The following RBFOX3 variants were observed in gnomAD, a reference collection of about 807,000 sequenced individuals.
RBFOX3 encodes RNA binding fox-1 homolog 3.
RBFOX3 carries 17 observed loss-of-function variants against 48.7 expected under a neutral mutation model. The observed-to-expected ratio is 0.35, with a 90% CI of 0.24 to 0.52. The LOEUF (loss-of-function observed/expected upper bound fraction) is 0.52. Among genes scored for constraint, RBFOX3 ranks in the 20% least tolerant of loss-of-function variants. The pLI is 0.94. For synonymous variants in RBFOX3, 212 were observed against 209.5 expected, an observed-to-expected ratio of 1.01 and a Z score of -0.10; for missense variants, 382 against 497.5, an observed-to-expected ratio of 0.77 and a Z score of 2.21.
chr17:79,466,831 G>A (rs1287155203), intron 2 of RBFOX3, among the ~76,000 whole-genome samples: 2 of 152,212 alleles, frequency 1.3e-5, no homozygotes, highest in Admixed American at 1.3e-4. Context: ...TGCAGCCGAT[G>A]AGAGGCCACA....
In RBFOX3 at chr17:79,474,415, T is replaced by C. The variant is rs977289342; in HGVS notation, c.-175+8039A>G. Among the ~76,000 whole-genome samples, 8 of 152,202 alleles carry C rather than the reference T, an allele frequency of 5.3e-5. No homozygotes were observed. The East Asian group carries it at 1.5e-3, about 29-fold the overall frequency. ...TGCTTGCACAGGTGTCGATATACCA[T>C]CCTGGAACACGAGGACTAACCCTCC... On this transcript the variant is annotated intron_variant, in intron 2 of 14. Transcript: ENST00000693108.
intron 2 of RBFOX3, among the ~76,000 whole-genome samples, chr17:79,375,358 G>GACACACACACACACAC (rs534923135): frequency 7.6e-4 from 103 of 136,286 alleles, no homozygotes; most frequent in Non-Finnish European, 1.3e-3. Context: ...GAAGACAGAA[G>GACACACACACACACAC]ACACACACAC....
At chr17:79,281,998 T>C (rs374414552) in intron 3 of RBFOX3, among the ~76,000 whole-genome samples, 97 of 152,210 alleles carry the variant, frequency 6.4e-4, no homozygotes, top group African/African-American at 2.2e-3. Context: ...GACAAATATA[T>C]CTGGAAAGAA....
At chr17:79,149,394 G>A (rs59059152) in intron 4 of RBFOX3, among the ~76,000 whole-genome samples, 44,815 of 152,002 alleles carry the variant, frequency 0.29, 8,792 homozygotes, top group African/African-American at 0.55. Flanking sequence ...CCCAGCCCCG[G>A]CCCCTCCTGG....
chr17:79,151,314 C>T (rs1029361054), intron 4 of RBFOX3, among the ~76,000 whole-genome samples: 11 of 148,902 alleles, frequency 7.4e-5, no homozygotes, highest in East Asian at 2.0e-4. Context: ...AGCTGCCCCA[C>T]GGGACGCGTG....
intron 3 of RBFOX3, among the ~76,000 whole-genome samples, chr17:79,276,625 C>T (rs554571487): frequency 6.6e-6 from 1 of 152,244 alleles, no homozygotes; most frequent in Non-Finnish European, 1.5e-5. Flanking sequence ...TGAGAGGTTG[C>T]AGTGAGCCCA....
chr17:79,553,620 G>T (rs1411684533), intron 1 of RBFOX3, among the ~76,000 whole-genome samples: 4 of 152,172 alleles, frequency 2.6e-5, no homozygotes, highest in Admixed American at 2.6e-4. Context: ...GAGTAGCTTA[G>T]AAACTTTCTA....
At chr17:79,152,732 A>G (rs1452038185) in intron 4 of RBFOX3, among the ~76,000 whole-genome samples, 1 of 152,192 alleles carries the variant, frequency 6.6e-6, no homozygotes, top group Non-Finnish European at 1.5e-5. Flanking sequence ...GGGGGCACCG[A>G]AGCAGTATCC....
At chr17:79,503,031 G>A (rs975843672) in intron 1 of RBFOX3, among the ~76,000 whole-genome samples, 9 of 152,228 alleles carry the variant, frequency 5.9e-5, no homozygotes, top group Non-Finnish European at 1.0e-4. Flanking sequence ...AGGGAGCAGC[G>A]TGGTCGGGTT....
At chr17:79,462,597 T>A (rs1405681912) in intron 2 of RBFOX3, among the ~76,000 whole-genome samples, 1 of 152,228 alleles carries the variant, frequency 6.6e-6, no homozygotes, top group African/African-American at 2.4e-5. Context: ...GAGGGATTGC[T>A]ACTGCCTCCA....
intron 4 of RBFOX3, among the ~76,000 whole-genome samples, chr17:79,203,979 T>C (rs2057154035): frequency 1.3e-5 from 2 of 152,108 alleles, no homozygotes; most frequent in African/African-American, 2.4e-5. Context: ...CCTGAGAACT[T>C]TGCACCCCTA....
intron 4 of RBFOX3, among the ~76,000 whole-genome samples, chr17:79,127,864 C>T (rs1206881912): frequency 1.3e-5 from 2 of 152,192 alleles, no homozygotes; most frequent in African/African-American, 2.4e-5. Flanking sequence ...AACATTCTGT[C>T]CACTTTGTCA....
chr17:79,117,114 C>T (rs2034238619), intron 4 of RBFOX3, among the ~76,000 whole-genome samples: 1 of 152,184 alleles, frequency 6.6e-6, no homozygotes, highest in African/African-American at 2.4e-5. Flanking sequence ...ACTCGCTGTC[C>T]TCCACTGCAG....
intron 1 of RBFOX3, among the ~76,000 whole-genome samples, chr17:79,544,230 T>C (rs111490984): frequency 6.6e-6 from 1 of 152,166 alleles, no homozygotes; most frequent in African/African-American, 2.4e-5. Context: ...TTGTGTGTGT[T>C]TTCTTCCAGC....
At position 79,242,789 on chromosome 17, in the gene RBFOX3, G is replaced by A. The variant is rs368089055; in HGVS notation, c.-73-6984C>T. Among the ~76,000 whole-genome samples, 37 of 152,294 alleles carry A rather than the reference G, an allele frequency of 2.4e-4. No individual in the cohort carries two copies. The highest frequency in any genetic ancestry group is 8.7e-4 in the African/African-American group (36 of 41,574). ...GGCCTCCACAGGGCAGCAGGGCAGG[G>A]CTTAGGGGTTATACGCCGTGCTCAG... is the stretch of plus-strand genomic sequence containing the variant. On this transcript the variant is annotated intron_variant, in intron 3 of 14. Coordinates refer to ENST00000693108, the MANE Select transcript of RBFOX3 (RefSeq NM_001350451.2). The surrounding 1 kb of genome is among the most constrained non-coding windows in gnomAD (Gnocchi z 5.8).
At chr17:79,170,322 C>T (rs970543066) in intron 4 of RBFOX3, among the ~76,000 whole-genome samples, 1 of 152,044 alleles carries the variant, frequency 6.6e-6, no homozygotes, top group African/African-American at 2.4e-5. Context: ...TCCGGTCCTG[C>T]CAAACGGGCC....
At chr17:79,166,908 A>C (rs2048119764) in intron 4 of RBFOX3, among the ~76,000 whole-genome samples, 1 of 152,238 alleles carries the variant, frequency 6.6e-6, no homozygotes, top group Non-Finnish European at 1.5e-5. Context: ...TGAATTTTAC[A>C]GTATGCAAAT....
At chr17:79,493,083 C>T (rs2080934135) in intron 1 of RBFOX3, among the ~76,000 whole-genome samples, 1 of 152,136 alleles carries the variant, frequency 6.6e-6, no homozygotes, top group Non-Finnish European at 1.5e-5. Context: ...TTGGCATCTG[C>T]TCCTGGTGAG....
chr17:79,614,802 G>A (rs989978072), upstream of RBFOX3, among the ~76,000 whole-genome samples: 52 of 151,762 alleles, frequency 3.4e-4, no homozygotes, highest in Non-Finnish European at 6.8e-4. Context: ...TGCCCCAGAA[G>A]GCAAAGCAAA....
Sources: allele counts gnomAD v4.1 joint callset (sites outside exome capture counted in the v4.1 genomes callset), GRCh38; gene constraint gnomAD v4.1.1; non-coding constraint Gnocchi (gnomAD v3.1); transcripts MANE v1.5; gene names NCBI Gene and HGNC (gene_info 2026-07-23, HGNC 2026-07-21).